The following FBLN1 variants were observed in gnomAD, a reference collection of about 807,000 sequenced individuals.
The protein encoded by FBLN1 is fibulin-1.
Under a neutral mutation model 89.7 loss-of-function variants are expected in FBLN1, and 34 were observed. That is an observed-to-expected ratio of 0.38 (90% CI 0.29 to 0.50). The LOEUF (loss-of-function observed/expected upper bound fraction) is 0.50, where lower values mean the gene tolerates loss of function less well. Ranked by LOEUF, FBLN1 falls within the 20% of genes least tolerant of loss-of-function variation. The probability of loss-of-function intolerance (pLI) is 0.92; values close to 1 mark genes in which losing one functional copy is unlikely to be tolerated. For synonymous variants in FBLN1, 393 were observed against 391.3 expected, an observed-to-expected ratio of 1.00 and a Z score of -0.05; for missense variants, 777 against 988.1, an observed-to-expected ratio of 0.79 and a Z score of 2.86.
chr22:45,570,289 T>G (rs551973098), intron 14 of FBLN1, among the ~76,000 whole-genome samples: 60 of 120,812 alleles, frequency 5.0e-4, no homozygotes, highest in African/African-American at 1.8e-3. Context: ...CATTGCCCTC[T>G]GGCCTGGGTG....
intron 12 of FBLN1, 119 bp from the exon 13 acceptor site, chr22:45,548,494 G>GC: frequency 7.2e-7 from 1 of 1,382,120 alleles, no homozygotes; most frequent in South Asian, 1.3e-5. Flanking sequence ...CCTGTGTTCA[G>GC]CTTGTCCTGT....
In FBLN1 at chr22:45,593,632, G is replaced by A. The variant is rs115155662; in HGVS notation, c.1973-6675G>A. ...GGCAGGTAAGACAGACAAGCCAGGT[G>A]TGATGGAAATGCACCTCTTTGTCCT... On this transcript the variant is annotated intron_variant, in intron 16 of 16. Transcript: ENST00000327858. Among the ~76,000 whole-genome samples the A allele has an allele frequency of 5.5e-3, 841 of 152,274 alleles. 7 individuals are homozygous for A. Among genetic ancestry groups the A allele is most frequent in the African/African-American group, 0.019 (799 of 41,558 alleles).
rs2088681997 is a variant in FBLN1 at position 45,550,061 on chromosome 22, C to T, written c.1574-431C>T. Among the ~76,000 whole-genome samples the T allele has an allele frequency of 6.6e-6, 1 of 152,144 alleles. No individual in the cohort carries two copies. The highest frequency in any genetic ancestry group is 1.5e-5 in the Non-Finnish European group (1 of 68,022). On this transcript the variant is annotated intron_variant, in intron 13 of 16. Coordinates refer to ENST00000327858, the MANE Select transcript of FBLN1 (RefSeq NM_006486.3). This position sits in a 1 kb window ranked among gnomAD's most constrained non-coding sequence, Gnocchi z 8.4. ...TTAGTTAGTGTATGGACTCTGATGC[C>T]AGCCTGCCCGGGTTCAAAGCTCAGC...
At chr22:45,593,649 C>G (rs1329727471) in intron 16 of FBLN1, among the ~76,000 whole-genome samples, 1 of 152,152 alleles carries the variant, frequency 6.6e-6, no homozygotes, top group African/African-American at 2.4e-5. Context: ...AAATGCACCT[C>G]TTTGTCCTGC....
At chr22:45,554,155 G>A (rs971230408) in intron 14 of FBLN1, among the ~76,000 whole-genome samples, 1 of 152,252 alleles carries the variant, frequency 6.6e-6, no homozygotes, top group African/African-American at 2.4e-5. Flanking sequence ...GCGGGAGGAC[G>A]ATGGGAGACA....
At position 45,562,352 on chromosome 22, in the gene FBLN1, AG is replaced by A. The variant is rs2147011800; in HGVS notation, c.1697+11739del. Among the ~76,000 whole-genome samples the A allele has an allele frequency of 6.6e-6, 1 of 152,316 alleles. No individual in the cohort carries two copies. The highest frequency in any genetic ancestry group is 1.9e-4 in the East Asian group (1 of 5,182). ...CACTCTGTGACCTTGGGAAGTGGGA[AG>A]GCCACATTCTCTCTGAGCCTCAGTG... On this transcript the variant is annotated intron_variant, in intron 14 of 16. Coordinates refer to ENST00000327858, the MANE Select transcript of FBLN1 (RefSeq NM_006486.3). The surrounding 1 kb of genome is among the most constrained non-coding windows in gnomAD (Gnocchi z 7.8).
In FBLN1 at chr22:45,555,191, A is replaced by G. The variant is rs569407387; in HGVS notation, c.1697+4576A>G. On this transcript the variant is annotated intron_variant, in intron 14 of 16. Coordinates refer to ENST00000327858, the MANE Select transcript of FBLN1 (RefSeq NM_006486.3). ...GTTGGGACCCGTCTCTGTCTCCACC[A>G]CAAGAAGTTTGGACCTGTATTAGGG... 5.3e-5 allele frequency among the ~76,000 whole-genome samples: 8 copies of G among 151,436 alleles called. No individual in the cohort carries two copies. In the East Asian group the frequency reaches 1.2e-3, roughly 22 times the overall value.
chr22:45,565,615 G>GT, intron 14 of FBLN1: 1 of 205,622 alleles, frequency 4.9e-6, no homozygotes, highest in South Asian at 9.2e-5. Flanking sequence ...ATTGTGTCTG[G>GT]TTAATTTCTG....
chr22:45,568,468 G>GC (rs2088917871), intron 14 of FBLN1, among the ~76,000 whole-genome samples: 1 of 147,932 alleles, frequency 6.8e-6, no homozygotes, highest in African/African-American at 2.5e-5. Flanking sequence ...GTAGGGGAGT[G>GC]CTCCTTCTGT....
chr22:45,566,984 C>G (rs1445490822), intron 14 of FBLN1, among the ~76,000 whole-genome samples: 1 of 152,232 alleles, frequency 6.6e-6, no homozygotes, highest in Non-Finnish European at 1.5e-5. Context: ...TCACAGCAGC[C>G]TAGGGAAGCA....
chr22:45,525,427 G>T, intron 2 of FBLN1, 116 bp from the exon 3 acceptor site: 1 of 914,324 alleles, frequency 1.1e-6, no homozygotes. Flanking sequence ...CTCTCTCTGT[G>T]TCTGTGGGAG....
At chr22:45,534,011 C>A in intron 7 of FBLN1, 113 bp downstream of exon 7, 1 of 1,438,432 alleles carries the variant, frequency 7.0e-7, no homozygotes, top group Non-Finnish European at 9.7e-7. Flanking sequence ...TCTGTGGCTG[C>A]CTGGGCGACT....
chr22:45,554,452 G>A (rs1048944404), intron 14 of FBLN1, among the ~76,000 whole-genome samples: 2 of 152,194 alleles, frequency 1.3e-5, no homozygotes, highest in African/African-American at 4.8e-5. Context: ...TCCCAGGCAG[G>A]ACTCCCCCGT....
chr22:45,541,212 G>T lies in FBLN1; in HGVS notation c.923-17G>T. 1.2e-6 allele frequency: 2 copies of T among 1,614,230 alleles called. No individual in the cohort carries two copies. Among genetic ancestry groups the T allele is most frequent in the Non-Finnish European group, 1.7e-6 (2 of 1,180,030 alleles). ...CTCCAGGTTTAACCACATGGTCTCT[G>T]TCTTTTCCCGCTGTAGATATCAATG... On this transcript the variant is annotated splice_polypyrimidine_tract_variant and intron_variant, in intron 8 of 16. Coordinates refer to ENST00000327858, the MANE Select transcript of FBLN1 (RefSeq NM_006486.3).
chr22:45,579,109 T>G lies in FBLN1; in HGVS notation c.1972+2001T>G. ...TCCTGGGGTGACCCAAGCCAAGAGGTTGGGCAGCTGCTGGGCCTAGAACCA... is the reference window on the plus strand; with the variant it reads ...TCCTGGGGTGACCCAAGCCAAGAGGGTGGGCAGCTGCTGGGCCTAGAACCA... On this transcript the variant is annotated intron_variant, in intron 16 of 16. Coordinates refer to ENST00000327858, the MANE Select transcript of FBLN1 (RefSeq NM_006486.3). The surrounding 1 kb of genome is among the most constrained non-coding windows in gnomAD (Gnocchi z 5.5). Among the ~76,000 whole-genome samples, 1 of 152,168 alleles carries G rather than the reference T, an allele frequency of 6.6e-6. No individual in the cohort carries two copies. The highest frequency in any genetic ancestry group is 1.9e-4 in the East Asian group (1 of 5,192).
Position 45,541,274 on chromosome 22 carries a change from A to G in FBLN1, c.968A>G (p.His323Arg). The change falls in exon 9 of 17, where the codon CAT becomes CGT. Residue 323 changes from histidine to arginine, a missense_variant. Transcript: ENST00000327858. ...ATCAGTGCCCCGTGCCCTATCGGGC[A>G]TACATGCATCAACACAGAGGGCTCC... Reference protein sequence around the residue: ...LSISAPCPIGHTCINTEGSYT... With the variant: ...LSISAPCPIGRTCINTEGSYT... The G allele has an allele frequency of 5.6e-6, 9 of 1,614,240 alleles. No individual in the cohort carries two copies. Among genetic ancestry groups the G allele is most frequent in the Non-Finnish European group, 7.6e-6 (9 of 1,180,020 alleles).
rs1469189253 is a variant in FBLN1 at position 45,521,286 on chromosome 22, A to G, written c.185+2499A>G. Among the ~76,000 whole-genome samples the G allele has an allele frequency of 3.3e-5, 5 of 152,186 alleles. No individual in the cohort carries two copies. In the East Asian group the frequency reaches 9.6e-4, roughly 29 times the overall value. ...CGGGTGCAAGTCCAGACTCCTGGGTATCGTGAGTTTCCATATGACAGTGTC... is the reference window on the plus strand; with the variant it reads ...CGGGTGCAAGTCCAGACTCCTGGGTGTCGTGAGTTTCCATATGACAGTGTC... On this transcript the variant is annotated intron_variant, in intron 2 of 16. Coordinates refer to ENST00000327858, the MANE Select transcript of FBLN1 (RefSeq NM_006486.3).
intron 14 of FBLN1, chr22:45,558,364 G>A (rs1016225661): frequency 7.6e-6 from 2 of 263,396 alleles, no homozygotes; most frequent in African/African-American, 4.5e-5. Flanking sequence ...TTCCACCAAA[G>A]CCCAGTAACA....
intron 1 of FBLN1, among the ~76,000 whole-genome samples, chr22:45,508,268 C>G (rs1025937368): frequency 7.4e-6 from 1 of 134,748 alleles, no homozygotes. Flanking sequence ...CACCAGCACA[C>G]TGGACAGCCT....
Sources: allele counts gnomAD v4.1 joint callset (sites outside exome capture counted in the v4.1 genomes callset), GRCh38; gene constraint gnomAD v4.1.1; non-coding constraint Gnocchi (gnomAD v3.1); transcripts MANE v1.5; gene names NCBI Gene and HGNC (gene_info 2026-07-23, HGNC 2026-07-21).